Variants in MIOS observed in about 807,000 individuals in gnomAD.
MIOS encodes the protein meiosis regulator for oocyte development.
Under a neutral mutation model 96.9 loss-of-function variants are expected in MIOS, and 52 were observed. The ratio of observed to expected loss-of-function variants is 0.54; its 90% CI spans 0.43 to 0.68. The LOEUF is 0.68. Ranked by LOEUF, MIOS falls within the 30% of genes least tolerant of loss-of-function variation. MIOS has a pLI of 0.00. For synonymous variants in MIOS, 397 were observed against 359.5 expected, an observed-to-expected ratio of 1.10 and a Z score of -1.18; for missense variants, 1,005 against 1,052.8, an observed-to-expected ratio of 0.95 and a Z score of 0.63.
intron 11 of MIOS, among the ~76,000 whole-genome samples, chr7:7,603,089 A>C (rs1003954952): frequency 2.6e-5 from 4 of 152,228 alleles, no homozygotes; most frequent in African/African-American, 9.6e-5. Flanking sequence ...TTAAAGACTT[A>C]AACGTTAGAC....
chr7:7,595,748 A>G (rs190972459), intron 10 of MIOS, among the ~76,000 whole-genome samples: 17 of 152,344 alleles, frequency 1.1e-4, no homozygotes, highest in African/African-American at 3.6e-4. Context: ...TTACTAATCT[A>G]TATGATAAGT....
At chr7:7,588,842 A>C (rs1428310780) in intron 8 of MIOS, among the ~76,000 whole-genome samples, 1 of 152,164 alleles carries the variant, frequency 6.6e-6, no homozygotes, top group Non-Finnish European at 1.5e-5. Context: ...ATGCTATGAA[A>C]GGGTTCCTCA....
At chr7:7,588,638 TAATTAC>T (rs1292140507) in intron 8 of MIOS, 75 bp downstream of exon 8, 21 of 895,300 alleles carry the variant, frequency 2.3e-5, no homozygotes, top group Non-Finnish European at 3.0e-5. Flanking sequence ...CTAGTCTTTA[TAATTAC>T]ATATGTATGA....
At chr7:7,602,193 T>C (rs1784399753) in intron 11 of MIOS, among the ~76,000 whole-genome samples, 1 of 152,178 alleles carries the variant, frequency 6.6e-6, no homozygotes, top group African/African-American at 2.4e-5. Flanking sequence ...TCACCACTCC[T>C]ATTCAACATA....
At chr7:7,596,180 G>A (rs1164619442) in intron 10 of MIOS, 77 bp from the exon 11 acceptor site, 1 of 1,239,036 alleles carries the variant, frequency 8.1e-7, no homozygotes. Flanking sequence ...AAAATAATTT[G>A]TTAGGCGCAC....
intron 3 of MIOS, among the ~76,000 whole-genome samples, chr7:7,571,478 G>T (rs1783352691): frequency 6.6e-6 from 1 of 152,118 alleles, no homozygotes; most frequent in Admixed American, 6.5e-5. Context: ...CTTTTTAATA[G>T]TTATATATTT....
At position 7,573,756 on chromosome 7, in the gene MIOS, G is replaced by A. The variant is rs368151556; in HGVS notation, c.1281G>A (p.Trp427Ter). ...AAGATCCACAGCTCAAGTCACTCTGGTATACTCTGCACTATATCCTTTTCA... is the reference window on the plus strand; with the variant it reads ...AAGATCCACAGCTCAAGTCACTCTGATATACTCTGCACTATATCCTTTTCA... ...GNEDPQLKSL[W>*]YTLHFMKQYT... The change falls in exon 4 of 13, where the codon TGG (tryptophan) becomes TGA (stop). Residue 427 changes from tryptophan (W) to a stop codon, truncating the protein, a stop_gained. Transcript: ENST00000340080. LOFTEE classifies it high-confidence loss of function. This position sits in a 1 kb window ranked among gnomAD's most constrained non-coding sequence, Gnocchi z 5.0. 1 of 1,602,204 alleles carries A rather than the reference G, an allele frequency of 6.2e-7. No individual in the cohort carries two copies. Among genetic ancestry groups the A allele is most frequent in the African/African-American group, 1.3e-5 (1 of 74,556 alleles).
In MIOS at chr7:7,607,198, A is replaced by C; in HGVS notation, c.*106A>C. The C allele has an allele frequency of 1.3e-6, 1 of 749,186 alleles. No individual in the cohort carries two copies. Among genetic ancestry groups the C allele is most frequent in the Non-Finnish European group, 2.2e-6 (1 of 464,896 alleles). 46.4% of individuals were successfully genotyped at this position (749,186 alleles called of 1,614,324 possible). On this transcript the variant is annotated 3_prime_UTR_variant, in exon 13 of 13. Transcript: ENST00000340080. ...ACAAGCCATTCATGACTTACCTGTA[A>C]TGGGAAAATAAATCATTCTATCAGA...
chr7:7,576,062 C>G (rs958269378), intron 5 of MIOS, among the ~76,000 whole-genome samples: 1 of 152,108 alleles, frequency 6.6e-6, no homozygotes, highest in African/African-American at 2.4e-5. Context: ...GCCATCTTGT[C>G]CACAGTAACC....
At chr7:7,568,991 A>C (rs1355915433) in intron 3 of MIOS, among the ~76,000 whole-genome samples, 1 of 152,174 alleles carries the variant, frequency 6.6e-6, no homozygotes, top group African/African-American at 2.4e-5. Flanking sequence ...TGTAAGATGG[A>C]TTTTTCTTTG....
At position 7,594,996 on chromosome 7, in the gene MIOS, T is replaced by C. The variant is rs1784162957; in HGVS notation, c.2060T>C (p.Val687Ala). The C allele has an allele frequency of 6.2e-7, 1 of 1,606,148 alleles. No individual in the cohort carries two copies. The highest frequency in any genetic ancestry group is 1.7e-5 in the Admixed American group (1 of 58,228). ...YCMLQGSPLDVLKDERVQYWI... is the reference protein window; with the variant it reads ...YCMLQGSPLDALKDERVQYWI... ...TCGTTTTAGGGTTCACCTTTAGATG[T>C]TCTTAAAGATGAAAGGGTTCAGTAC... Residue 687 changes from valine (V) to alanine (A), a missense_variant, in exon 10 of 13, where the codon GTT becomes GCT. Physicochemically the swap from Val to Ala is moderately conservative, Grantham distance 64. Coordinates refer to ENST00000340080, the MANE Select transcript of MIOS (RefSeq NM_019005.4).
At position 7,599,699 on chromosome 7, in the gene MIOS, G is replaced by A. The variant is rs183313179; in HGVS notation, c.2401+3238G>A. 3.0e-3 allele frequency among the ~76,000 whole-genome samples: 454 copies of A among 152,252 alleles called. 2 individuals carry two copies. Among genetic ancestry groups the A allele is most frequent in the African/African-American group, 0.01 (436 of 41,550 alleles). On this transcript the variant is annotated intron_variant, in intron 11 of 12. Transcript: ENST00000340080. ...GAAGTGAACTGATAAGAAACAGTAG[G>A]AAAATTAGGGAGAGCCTGAATATGA... is the stretch of plus-strand genomic sequence containing the variant.
At chr7:7,606,862 G>C in intron 12 of MIOS, 134 bp from the exon 13 acceptor site, 1 of 651,966 alleles carries the variant, frequency 1.5e-6, no homozygotes, top group Non-Finnish European at 2.6e-6. Context: ...GAGGCAGGAG[G>C]ATCACTTGAG....
intron 5 of MIOS, among the ~76,000 whole-genome samples, chr7:7,580,754 T>A (rs1192297273): frequency 2.0e-5 from 3 of 148,410 alleles, no homozygotes; most frequent in African/African-American, 7.4e-5. Flanking sequence ...TGGTGCGATC[T>A]CGGCTCACTG....
chr7:7,583,526 A>G (rs756219199), intron 6 of MIOS, among the ~76,000 whole-genome samples, 154 bp downstream of exon 6: 33 of 152,190 alleles, frequency 2.2e-4, no homozygotes, highest in Non-Finnish European at 3.8e-4. Context: ...CAGTATATCT[A>G]TAACAGTAAA....
In MIOS at chr7:7,573,377, C is replaced by T. The variant is rs2115351791; in HGVS notation, c.902C>T (p.Thr301Ile). Reference protein sequence around the residue: ...NIIRLYDMQHTPTPIGDETEP... With the variant: ...NIIRLYDMQHIPTPIGDETEP... ...ATTAGATTGTATGATATGCAGCATA[C>T]ACCCACTCCCATTGGGGATGAAACT... is the stretch of plus-strand genomic sequence containing the variant. The change falls in exon 4 of 13, where the codon ACA becomes ATA. Residue 301 changes from threonine to isoleucine, a missense_variant. By Grantham distance (89) the Thr-to-Ile change is moderately conservative. Transcript: ENST00000340080. The surrounding 1 kb of genome is among the most constrained non-coding windows in gnomAD (Gnocchi z 5.0). The T allele has an allele frequency of 6.2e-7, 1 of 1,614,090 alleles. No homozygotes were observed. The highest frequency in any genetic ancestry group is 1.3e-5 in the African/African-American group (1 of 75,042).
rs2115350800 is a variant in MIOS, at chr7:7,573,103, A to G, written c.628A>G (p.Ile210Val). ...LLAGMHRNLAIFDLRNTSQKM... is the reference protein window; with the variant it reads ...LLAGMHRNLAVFDLRNTSQKM... ...TGCTGGTATGCATCGTAACCTAGCT[A>G]TATTTGATCTTCGGAATACAAGCCA... Residue 210 changes from isoleucine to valine, a missense_variant, in exon 4 of 13, where the codon ATA (isoleucine) becomes GTA (valine). This residue lies in a region of MIOS where 865 missense variants were observed against 887.9 expected (regional missense o/e 0.97). Coordinates refer to ENST00000340080, the MANE Select transcript of MIOS (RefSeq NM_019005.4). This position sits in a 1 kb window ranked among gnomAD's most constrained non-coding sequence, Gnocchi z 5.0. The G allele has an allele frequency of 3.7e-6, 6 of 1,614,118 alleles. No individual in the cohort carries two copies. Among genetic ancestry groups the G allele is most frequent in the Non-Finnish European group, 5.1e-6 (6 of 1,179,980 alleles).
rs1583624126 is a variant in MIOS, at chr7:7,573,765, G to A, written c.1290G>A (p.Leu430=). 1 of 1,576,152 alleles carries A rather than the reference G, an allele frequency of 6.3e-7. No homozygotes were observed. Among genetic ancestry groups the A allele is most frequent in the South Asian group, 1.2e-5 (1 of 85,130 alleles). ...DPQLKSLWYT[L]HFMKQYTEDM... The stretch of plus-strand genomic sequence containing the variant: ...AGCTCAAGTCACTCTGGTATACTCT[G>A]CACTATATCCTTTTCATTGTGAATT... The change falls in exon 4 of 13, where the codon CTG becomes CTA. Residue 430 remains leucine, a synonymous_variant. Coordinates refer to ENST00000340080, the MANE Select transcript of MIOS (RefSeq NM_019005.4). This position sits in a 1 kb window ranked among gnomAD's most constrained non-coding sequence, Gnocchi z 5.0.
intron 6 of MIOS, among the ~76,000 whole-genome samples, chr7:7,585,187 G>T (rs1449466719): frequency 6.6e-6 from 1 of 152,082 alleles, no homozygotes; most frequent in African/African-American, 2.4e-5. Context: ...AGTGATTCTG[G>T]TAGGATGACT....
Sources: allele counts gnomAD v4.1 joint callset (sites outside exome capture counted in the v4.1 genomes callset), GRCh38; gene constraint gnomAD v4.1.1; regional missense constraint gnomAD v4.1.1; non-coding constraint Gnocchi (gnomAD v3.1); transcripts MANE v1.5; gene names NCBI Gene and HGNC (gene_info 2026-07-23, HGNC 2026-07-21).